MRC2: variants seen among roughly 807,000 people sequenced by gnomAD.
MRC2 encodes the protein mannose receptor C-type 2.
Under a neutral mutation model 206.2 loss-of-function variants are expected in MRC2, and 84 were observed. The ratio of observed to expected loss-of-function variants is 0.41; its 90% CI spans 0.34 to 0.49. The LOEUF is 0.49. Ranked by LOEUF, MRC2 falls within the 20% of genes least tolerant of loss-of-function variation. MRC2 has a pLI of 0.31. For missense variants in MRC2, 1,676 were observed against 2,001.5 expected (o/e 0.84, Z 3.10); for synonymous variants, 798 against 800.0 (o/e 1.00, Z 0.04).
At chr17:62,636,505 G>A (rs2088321670) in intron 1 of MRC2, among the ~76,000 whole-genome samples, 1 of 121,184 alleles carries the variant, frequency 8.3e-6, no homozygotes, top group South Asian at 2.6e-4. Flanking sequence ...GTCTCGCTCT[G>A]TCGCCCAGGC....
Position 62,667,543 on chromosome 17 carries a change from G to A in MRC2, c.1117+10G>A, listed in dbSNP as rs1252343888. ...GAGCCCACCCCTCCAGGTGAGCCAG[G>A]GACTGTGCCGCAGGGTGGGGAGGGG... On this transcript the variant is annotated intron_variant, in intron 6 of 29. Coordinates refer to ENST00000303375, the MANE Select transcript of MRC2 (RefSeq NM_006039.5). This position sits in a 1 kb window ranked among gnomAD's most constrained non-coding sequence, Gnocchi z 4.1. The A allele has an allele frequency of 1.9e-6, 3 of 1,606,724 alleles. No individual in the cohort carries two copies. The highest frequency in any genetic ancestry group is 3.4e-5 in the Admixed American group (2 of 58,796).
intron 1 of MRC2, among the ~76,000 whole-genome samples, chr17:62,645,496 A>ATTTT (rs36160839): frequency 2.7e-5 from 2 of 73,722 alleles, no homozygotes; most frequent in African/African-American, 1.2e-4. Context: ...GTGTGTATAT[A>ATTTT]TTATATATAT....
chr17:62,679,467 C>T, intron 13 of MRC2: 1 of 189,398 alleles, frequency 5.3e-6, no homozygotes, highest in Non-Finnish European at 1.1e-5. Flanking sequence ...CCTGCCACCT[C>T]CTCATCTGAA....
At chr17:62,640,438 C>T (rs921273380) in intron 1 of MRC2, among the ~76,000 whole-genome samples, 22 of 152,120 alleles carry the variant, frequency 1.4e-4, no homozygotes, top group African/African-American at 5.3e-4. Flanking sequence ...CTGAGGCTTG[C>T]GTTTTGAAAG....
chr17:62,674,248 T>A, intron 9 of MRC2, 78 bp downstream of exon 9: 4 of 1,040,556 alleles, frequency 3.8e-6, no homozygotes, highest in Admixed American at 2.8e-5. Flanking sequence ...GTGGATGAAC[T>A]CCTGCTGCCT....
In MRC2 at chr17:62,688,862, C is replaced by T. The variant is rs548900140; in HGVS notation, c.3236C>T (p.Ala1079Val). 471 of 1,610,914 alleles carry T rather than the reference C, an allele frequency of 2.9e-4. 4 individuals carry two copies. In the East Asian group the frequency reaches 0.01, roughly 35 times the overall value. ...APSGNKPTSC[A>V]VVLHSPSAHF... ...GCTCCCTCCCCCCAGACCAGCTGTG[C>T]AGTGGTCCTGCACAGCCCCTCAGCC... Residue 1079 changes from alanine (A) to valine (V), a missense_variant, in exon 23 of 30, where the codon GCA becomes GTA. Coordinates refer to ENST00000303375, the MANE Select transcript of MRC2 (RefSeq NM_006039.5).
chr17:62,666,308 T>C lies in MRC2; in HGVS notation c.694+41T>C. The stretch of plus-strand genomic sequence containing the variant: ...GCCGTGGGGGCGGGGGCAGTGTTCC[T>C]GGAGGGAGGCTGGTGCTGAGGGGCC... On this transcript the variant is annotated intron_variant, in intron 3 of 29. Transcript: ENST00000303375. The surrounding 1 kb of genome is among the most constrained non-coding windows in gnomAD (Gnocchi z 5.0). 1.9e-6 allele frequency: 3 copies of C among 1,556,128 alleles called. No homozygotes were observed. The highest frequency in any genetic ancestry group is 2.6e-6 in the Non-Finnish European group (3 of 1,154,216).
At position 62,690,237 on chromosome 17, in the gene MRC2, A is replaced by C; in HGVS notation, c.3824A>C (p.Glu1275Ala). The C allele has an allele frequency of 6.2e-7, 1 of 1,613,352 alleles. No homozygotes were observed. Among genetic ancestry groups the C allele is most frequent in the Non-Finnish European group, 8.5e-7 (1 of 1,179,660 alleles). ...LADSAWIPFR[E>A]HCYSFHMELL... ...GACTCCGCGTGGATTCCCTTCCGGG[A>C]GCACTGCTATTCTTTCCACATGGAG... Residue 1275 changes from glutamate to alanine, a missense_variant, in exon 26 of 30, where the codon GAG (glutamate) becomes GCG (alanine). Around this residue, in one of 3 missense-constraint regions of MRC2, gnomAD observed 1,354 missense variants for 1,636.6 expected, o/e 0.83. Coordinates refer to ENST00000303375, the MANE Select transcript of MRC2 (RefSeq NM_006039.5).
chr17:62,637,499 GCA>G (rs1411849763), intron 1 of MRC2, among the ~76,000 whole-genome samples: 3 of 149,738 alleles, frequency 2.0e-5, no homozygotes, highest in African/African-American at 4.9e-5. Flanking sequence ...TCACGCCATT[GCA>G]CTCCAGCCTG....
At chr17:62,633,334 C>T (rs1182136361) in intron 1 of MRC2, among the ~76,000 whole-genome samples, 1 of 151,766 alleles carries the variant, frequency 6.6e-6, no homozygotes, top group Non-Finnish European at 1.5e-5. Context: ...AACCCCATCT[C>T]TACTAAAAAT....
chr17:62,631,609 C>T (rs373498792), intron 1 of MRC2, among the ~76,000 whole-genome samples: 21 of 152,190 alleles, frequency 1.4e-4, no homozygotes, highest in African/African-American at 3.6e-4. Flanking sequence ...TGTGTCCCAC[C>T]GGGAGGACTC....
At chr17:62,635,819 G>A (rs1051869332) in intron 1 of MRC2, among the ~76,000 whole-genome samples, 7 of 150,396 alleles carry the variant, frequency 4.7e-5, no homozygotes, top group African/African-American at 1.7e-4. Context: ...ACGGAGTCTC[G>A]CTCTGTTGCC....
In MRC2 at chr17:62,671,567, C is replaced by T; in HGVS notation, c.1118-82C>T. ...GAGAGGAGGTGACTGGGAGGCCTCG[C>T]CTGTGTTGACGTCAACCCAGTGGGT... On this transcript the variant is annotated intron_variant, in intron 6 of 29. Coordinates refer to ENST00000303375, the MANE Select transcript of MRC2 (RefSeq NM_006039.5). The surrounding 1 kb of genome is among the most constrained non-coding windows in gnomAD (Gnocchi z 4.5). 4 of 1,346,758 alleles carry T rather than the reference C, an allele frequency of 3.0e-6. No individual in the cohort carries two copies. Among genetic ancestry groups the T allele is most frequent in the Non-Finnish European group, 4.0e-6 (4 of 998,358 alleles). 83.4% of individuals were successfully genotyped at this position (1,346,758 alleles called of 1,614,324 possible).
In MRC2 at chr17:62,643,973, CAT is replaced by C. The variant is rs200636568; in HGVS notation, c.118+16054_118+16055del. ...TATTTATGTATATATATGTGTATTA[CAT>C]GTGTGTGTATATATATGAATAGAAA... On this transcript the variant is annotated intron_variant, in intron 1 of 29. Transcript: ENST00000303375. Among the ~76,000 whole-genome samples the C allele has an allele frequency of 5.6e-3, 855 of 152,160 alleles. 10 individuals are homozygous for C. The highest frequency in any genetic ancestry group is 0.019 in the African/African-American group (790 of 41,484).
intron 1 of MRC2, among the ~76,000 whole-genome samples, chr17:62,653,129 G>C (rs2088577250): frequency 6.6e-6 from 1 of 152,188 alleles, no homozygotes; most frequent in Admixed American, 6.5e-5. Context: ...AGCAGAGGCT[G>C]GAGGCGAGAG....
chr17:62,684,455 T>C (rs1256642736), intron 20 of MRC2, among the ~76,000 whole-genome samples: 1 of 152,210 alleles, frequency 6.6e-6, no homozygotes, highest in Non-Finnish European at 1.5e-5. Context: ...TAGGAAAGTT[T>C]GGGGCACTGA....
At chr17:62,683,418 A>G (rs2088993781) in intron 20 of MRC2, among the ~76,000 whole-genome samples, 1 of 151,788 alleles carries the variant, frequency 6.6e-6, no homozygotes. Context: ...CGGTGAGTCA[A>G]GATCGTGCCA....
rs1207151155 is a variant in MRC2, at chr17:62,666,179, C to T, written c.606C>T (p.Thr202=). The T allele has an allele frequency of 1.9e-6, 3 of 1,603,330 alleles. No individual in the cohort carries two copies. Among genetic ancestry groups the T allele is most frequent in the East Asian group, 2.2e-5 (1 of 44,488 alleles). The part of the protein sequence containing the change: ...KYDNQWFHGC[T]STGREDGHLW... ...ACAACCAGTGGTTCCACGGCTGCAC[C>T]AGCACGGGCCGCGAGGATGGTCACC... Residue 202 remains threonine (T), a synonymous_variant, in exon 3 of 30, where the codon ACC becomes ACT. Coordinates refer to ENST00000303375, the MANE Select transcript of MRC2 (RefSeq NM_006039.5). The surrounding 1 kb of genome is among the most constrained non-coding windows in gnomAD (Gnocchi z 5.0).
intron 18 of MRC2, 47 bp from the exon 19 acceptor site, chr17:62,681,790 C>T: frequency 2.0e-6 from 3 of 1,491,538 alleles, no homozygotes; most frequent in Non-Finnish European, 2.8e-6. Context: ...GGTGGAGGCC[C>T]AGCTGGGGGC....
Sources: gnomAD v4.1 joint callset for allele counts (sites outside exome capture counted in the v4.1 genomes callset) on GRCh38, gnomAD v4.1.1 for gene constraint, gnomAD v4.1.1 regional missense constraint, Gnocchi (gnomAD v3.1) non-coding constraint, MANE v1.5 for transcripts, NCBI Gene and HGNC (gene_info 2026-07-23, HGNC 2026-07-21) for gene names.